Variants in LRRTM4 observed in about 807,000 individuals in gnomAD.
The protein encoded by LRRTM4 is leucine-rich repeat transmembrane neuronal protein 4.
LRRTM4 carries 25 observed loss-of-function variants against 47.6 expected under a neutral mutation model. The observed-to-expected ratio is 0.53, with a 90% CI of 0.38 to 0.73. LRRTM4 has a LOEUF of 0.73. Among genes scored for constraint, LRRTM4 ranks in the 30% least tolerant of loss-of-function variants. The pLI is 0.00. For missense variants in LRRTM4, 638 were observed against 713.4 expected (o/e 0.89, Z 1.20); for synonymous variants, 311 against 269.5 (o/e 1.15, Z -1.51).
At position 77,202,627 on chromosome 2, in the gene LRRTM4, C is replaced by G. The variant is rs542781803; in HGVS notation, c.1551+315691G>C. ...TCCACATACCAGGGTGCTGTAAACA[C>G]AAGAAGTTATCCAAGCTTTGTAACT... is the stretch of plus-strand genomic sequence containing the variant. On this transcript the variant is annotated intron_variant, in intron 3 of 3. Coordinates refer to ENST00000409884, the MANE Select transcript of LRRTM4 (RefSeq NM_001134745.3). 2.0e-5 allele frequency among the ~76,000 whole-genome samples: 3 copies of G among 151,712 alleles called. No individual in the cohort carries two copies. In the South Asian group the frequency reaches 6.3e-4, roughly 32 times the overall value.
intron 3 of LRRTM4, among the ~76,000 whole-genome samples, chr2:76,904,450 C>A (rs1673751998): frequency 6.6e-6 from 1 of 152,134 alleles, no homozygotes; most frequent in East Asian, 1.9e-4. Context: ...CTTTACAATT[C>A]CATATATTAT....
In LRRTM4 at chr2:77,092,656, G is replaced by C. The variant is rs538834162; in HGVS notation, c.1552-343740C>G. Among the ~76,000 whole-genome samples, 4 of 144,902 alleles carry C rather than the reference G, an allele frequency of 2.8e-5. No homozygotes were observed. The South Asian group carries it at 8.7e-4, about 32-fold the overall frequency. On this transcript the variant is annotated intron_variant, in intron 3 of 3. Coordinates refer to ENST00000409884, the MANE Select transcript of LRRTM4 (RefSeq NM_001134745.3). ...ACTAAAATACCTCTTAGTCTAGGTA[G>C]ATACTTTCACTGGATAGGTACAGGC...
intron 3 of LRRTM4, among the ~76,000 whole-genome samples, chr2:77,185,182 C>T (rs1673466315): frequency 6.6e-6 from 1 of 152,142 alleles, no homozygotes; most frequent in African/African-American, 2.4e-5. Context: ...AGCTCAGCTG[C>T]AGCAAGCTTA....
intron 3 of LRRTM4, among the ~76,000 whole-genome samples, chr2:77,346,913 G>A (rs911882091): frequency 6.6e-6 from 1 of 152,016 alleles, no homozygotes; most frequent in African/African-American, 2.4e-5. Flanking sequence ...CTCAAAACAT[G>A]AAAATTTATG....
At chr2:76,845,143 GAAT>G (rs1178354237) in intron 3 of LRRTM4, among the ~76,000 whole-genome samples, 4 of 152,082 alleles carry the variant, frequency 2.6e-5, no homozygotes, top group African/African-American at 9.7e-5. Flanking sequence ...AAGACAATCA[GAAT>G]AATAATACCA....
At chr2:76,789,162 CAA>C (rs1234611741) in intron 3 of LRRTM4, among the ~76,000 whole-genome samples, 1 of 152,194 alleles carries the variant, frequency 6.6e-6, no homozygotes, top group East Asian at 1.9e-4. Flanking sequence ...GGAGCACTCT[CAA>C]GTGGGGTTGC....
intron 3 of LRRTM4, among the ~76,000 whole-genome samples, chr2:77,317,338 C>G (rs1214439735): frequency 6.6e-6 from 1 of 151,998 alleles, no homozygotes; most frequent in Non-Finnish European, 1.5e-5. Flanking sequence ...AGTTAAAAAG[C>G]AAGGTTTTCT....
chr2:76,763,025 T>A (rs1027708052), intron 3 of LRRTM4, among the ~76,000 whole-genome samples: 2 of 152,090 alleles, frequency 1.3e-5, no homozygotes, highest in African/African-American at 4.8e-5. Context: ...TTGAGGAGAA[T>A]AAAACAAATG....
At chr2:77,351,674 C>T (rs926690368) in intron 3 of LRRTM4, among the ~76,000 whole-genome samples, 2 of 146,594 alleles carry the variant, frequency 1.4e-5, no homozygotes, top group African/African-American at 5.2e-5. Flanking sequence ...CATGTATACT[C>T]GAACATAATT....
chr2:76,769,356 A>G (rs1673587435), intron 3 of LRRTM4, among the ~76,000 whole-genome samples: 1 of 152,110 alleles, frequency 6.6e-6, no homozygotes, highest in South Asian at 2.1e-4. Flanking sequence ...AAAATGAAGA[A>G]ATTAATTTGG....
chr2:76,805,619 G>GT (rs1420188040), intron 3 of LRRTM4, among the ~76,000 whole-genome samples: 3 of 152,132 alleles, frequency 2.0e-5, no homozygotes, highest in Non-Finnish European at 4.4e-5. Context: ...TTAAATTAAT[G>GT]TTTTTAGGGC....
intron 3 of LRRTM4, among the ~76,000 whole-genome samples, chr2:77,316,513 T>A (rs1244078841): frequency 6.6e-6 from 1 of 152,000 alleles, no homozygotes; most frequent in East Asian, 1.9e-4. Context: ...TACTCCTATA[T>A]ACCAGGGCTG....
At chr2:77,218,232 G>T (rs967566193) in intron 3 of LRRTM4, among the ~76,000 whole-genome samples, 4 of 152,128 alleles carry the variant, frequency 2.6e-5, no homozygotes, top group Non-Finnish European at 5.9e-5. Flanking sequence ...CACCTCAGGC[G>T]ATCTGCCCAC....
At chr2:77,464,720 A>C (rs1348975223) in intron 3 of LRRTM4, among the ~76,000 whole-genome samples, 1 of 152,132 alleles carries the variant, frequency 6.6e-6, no homozygotes, top group Admixed American at 6.6e-5. Context: ...TTAACTATCC[A>C]TTCCTTGATA....
At chr2:77,464,124 G>A (rs1183279720) in intron 3 of LRRTM4, among the ~76,000 whole-genome samples, 1 of 152,064 alleles carries the variant, frequency 6.6e-6, no homozygotes, top group African/African-American at 2.4e-5. Flanking sequence ...GGACAGACAA[G>A]GAAAATGACC....
At chr2:77,111,032 A>C (rs780579625) in intron 3 of LRRTM4, among the ~76,000 whole-genome samples, 1 of 152,210 alleles carries the variant, frequency 6.6e-6, no homozygotes, top group Non-Finnish European at 1.5e-5. Context: ...AAATTTAAAC[A>C]AGGAATTGAG....
At chr2:77,075,943 A>AAAAAAAAAAAT (rs60802639) in intron 3 of LRRTM4, among the ~76,000 whole-genome samples, 1 of 144,238 alleles carries the variant, frequency 6.9e-6, no homozygotes, top group African/African-American at 2.6e-5. Context: ...AAAAAAAAAA[A>AAAAAAAAAAAT]TGGGATGAAG....
intron 3 of LRRTM4, among the ~76,000 whole-genome samples, chr2:77,159,990 A>G (rs1672667946): frequency 6.6e-6 from 1 of 151,792 alleles, no homozygotes; most frequent in South Asian, 2.1e-4. Context: ...CCTGTCTTAC[A>G]CTGGTTTGGA....
chr2:77,256,236 G>C (rs899651911), intron 3 of LRRTM4, among the ~76,000 whole-genome samples: 2 of 152,106 alleles, frequency 1.3e-5, no homozygotes, highest in Admixed American at 6.6e-5. Context: ...GAAATAGAGA[G>C]TGTAACTTGC....
Sources: gnomAD v4.1 joint callset for allele counts (sites outside exome capture counted in the v4.1 genomes callset) on GRCh38, gnomAD v4.1.1 for gene constraint, MANE v1.5 for transcripts, NCBI Gene and HGNC (gene_info 2026-07-23, HGNC 2026-07-21) for gene names.